GANC: variants seen among roughly 807,000 people sequenced by gnomAD.
GANC encodes the protein neutral alpha-glucosidase C.
In GANC, 117 loss-of-function variants were observed where a neutral mutation model predicts 124.2. The observed-to-expected ratio is 0.94, with a 90% CI of 0.81 to 1.10. GANC has a LOEUF of 1.10. Ranked by LOEUF, GANC falls within the 50% of genes least tolerant of loss-of-function variation. GANC has a pLI of 0.00. For missense variants in GANC, 1,140 were observed against 1,095.0 expected (o/e 1.04, Z -0.58); for synonymous variants, 377 against 376.8 (o/e 1.00, Z -0.01).
intron 10 of GANC, chr15:42,314,204 A>G (rs1310204684): frequency 1.3e-6 from 1 of 754,688 alleles, no homozygotes; most frequent in Non-Finnish European, 2.4e-6. Flanking sequence ...AATATTCCCC[A>G]CAAGGAGTTC....
At chr15:42,348,803 A>G (rs1007073698) in intron 21 of GANC, among the ~76,000 whole-genome samples, 14 of 152,226 alleles carry the variant, frequency 9.2e-5, no homozygotes, top group African/African-American at 3.4e-4. Context: ...ATTGATATCA[A>G]TATTATAAAA....
intron 5 of GANC, 115 bp downstream of exon 5, chr15:42,293,032 T>A: frequency 1.0e-6 from 1 of 977,242 alleles, no homozygotes; most frequent in Non-Finnish European, 1.5e-6. Context: ...TTATTTGCTC[T>A]AGTATTGTTC....
At chr15:42,328,506 C>CA (rs530447078) in intron 13 of GANC, among the ~76,000 whole-genome samples, 1,599 of 103,986 alleles carry the variant, frequency 0.015, 21 homozygotes, top group South Asian at 0.092. Context: ...AATAAAGATT[C>CA]AAAAAAAAAA....
At position 42,292,851 on chromosome 15, in the gene GANC, T is replaced by C; in HGVS notation, c.446T>C (p.Val149Ala). ...GTAGACTTGGTGTCTGAAGAAGAGG[T>C]TGTGATTAGCATAAATTCCCTGGGC... The part of the protein sequence containing the change: ...FKVDLVSEEE[V>A]VISINSLGQL... The change falls in exon 5 of 24, where the codon GTT becomes GCT. Residue 149 changes from valine to alanine, a missense_variant. By Grantham distance (64) the Val-to-Ala change is moderately conservative. Transcript: ENST00000318010. 5 of 1,613,960 alleles carry C rather than the reference T, an allele frequency of 3.1e-6. No homozygotes were observed. The highest frequency in any genetic ancestry group is 4.2e-6 in the Non-Finnish European group (5 of 1,179,920).
At chr15:42,351,974 C>G in intron 23 of GANC, 56 bp from the exon 24 acceptor site, 1 of 1,601,568 alleles carries the variant, frequency 6.2e-7, no homozygotes, top group Non-Finnish European at 8.5e-7. Flanking sequence ...GGAGAAAAGA[C>G]TTTTCCCTTC....
Position 42,273,380 on chromosome 15 carries a change from G to A in GANC, c.-1102G>A, listed in dbSNP as rs368638014. The A allele has an allele frequency of 3.0e-5, 49 of 1,613,936 alleles. No homozygotes were observed. The highest frequency in any genetic ancestry group is 3.8e-5 in the Non-Finnish European group (45 of 1,180,042). Reference sequence around the variant, plus strand: ...AGAAGAATGACAGGCAACACCTGAAGCCACGCAGCCGCCGCCATCTTCACA... The same window carrying A: ...AGAAGAATGACAGGCAACACCTGAAACCACGCAGCCGCCGCCATCTTCACA... On this transcript the variant is annotated 5_prime_UTR_variant, in exon 1 of 24. Coordinates refer to ENST00000318010, the MANE Select transcript of GANC (RefSeq NM_198141.3).
chr15:42,351,481 A>G, intron 23 of GANC, 49 bp downstream of exon 23: 1 of 1,282,582 alleles, frequency 7.8e-7, no homozygotes, highest in Non-Finnish European at 1.1e-6. Flanking sequence ...TATAAACAGA[A>G]GTATCTGCAG....
intron 21 of GANC, 34 bp from the exon 22 acceptor site, chr15:42,349,349 T>C: frequency 7.9e-7 from 1 of 1,267,302 alleles, no homozygotes. Context: ...AGCTATCATA[T>C]AAGCACATTC....
At position 42,274,107 on chromosome 15, in the gene GANC, C is replaced by T. The variant is rs769208017; in HGVS notation, c.-375C>T. ...AGATAGATCTGCAGATGCTTCGTCC[C>T]AGTCAGGGAGGCCGTCTCGGCATTT... On this transcript the variant is annotated 5_prime_UTR_variant, in exon 1 of 24. Coordinates refer to ENST00000318010, the MANE Select transcript of GANC (RefSeq NM_198141.3). 2.0e-5 allele frequency: 5 copies of T among 253,004 alleles called. No individual in the cohort carries two copies. Among genetic ancestry groups the T allele is most frequent in the Non-Finnish European group, 3.8e-5 (5 of 130,764 alleles). The allele number at this position is 253,004 out of a possible 1,614,324, so 15.7% of individuals were successfully genotyped here.
intron 10 of GANC, among the ~76,000 whole-genome samples, chr15:42,316,457 G>A (rs1026037508): frequency 1.7e-4 from 26 of 152,064 alleles, no homozygotes; most frequent in Admixed American, 7.2e-4. Context: ...ATGGGACGGG[G>A]GCCCTTCCCT....
rs1216952171 is a variant in GANC, at chr15:42,276,393, CAA to C, written c.76_77del (p.Lys26AspfsTer28). 7.0e-7 allele frequency: 1 copy of C among 1,432,604 alleles called. No individual in the cohort carries two copies. The highest frequency in any genetic ancestry group is 1.1e-5 in the South Asian group (1 of 87,104). 88.7% of individuals were successfully genotyped at this position (1,432,604 alleles called of 1,614,324 possible). On this transcript the variant is annotated frameshift_variant, in exon 2 of 24. Transcript: ENST00000318010. LOFTEE classifies it high-confidence loss of function. Reference protein sequence around the residue: ...VDKNIFRDCNKIAFYRRQKQW... With the variant: ...VDKNIFRDCNXIAFYRRQKQW... ...ATAAAAACATTTTCAGAGACTGTAA[CAA>C]GATCGCATTTTACAGGTAAGGAAAA...
intron 22 of GANC, among the ~76,000 whole-genome samples, chr15:42,349,802 A>G (rs2052407337): frequency 6.7e-6 from 1 of 149,550 alleles, no homozygotes; most frequent in African/African-American, 2.5e-5. Flanking sequence ...GCATGCACCA[A>G]CATACCCGGC....
chr15:42,330,770 C>CTTTTTTTTTT (rs71108160), intron 15 of GANC, 98 bp downstream of exon 15: 68 of 361,028 alleles, frequency 1.9e-4, no homozygotes, highest in Middle Eastern at 7.8e-4. Flanking sequence ...CTTCCTTTTC[C>CTTTTTTTTTT]TTTTTTTTTT....
chr15:42,316,489 GGGAA>G (rs1398343526), intron 10 of GANC, among the ~76,000 whole-genome samples: 1 of 152,180 alleles, frequency 6.6e-6, no homozygotes, highest in East Asian at 1.9e-4. Context: ...AAAGCAGAGA[GGGAA>G]GGCAGCATTT....
rs773197314 is a variant in GANC, at chr15:42,326,339, C to CGAGT, written c.1335_1336insGAGT (p.Tyr446GlufsTer24). ...ATCCCCACATCAAGATTGATCCTGA[C>CGAGT]TACTCAGTATATGTGAAGGCCAAAG... is the stretch of plus-strand genomic sequence containing the variant. On this transcript the variant is annotated frameshift_variant, in exon 12 of 24. Transcript: ENST00000318010. LOFTEE classifies it high-confidence loss of function. 6.8e-6 allele frequency: 11 copies of CGAGT among 1,614,058 alleles called. No individual in the cohort carries two copies. The highest frequency in any genetic ancestry group is 5.0e-5 in the Admixed American group (3 of 60,014).
rs2141080040 is a variant in GANC, at chr15:42,345,742, C to T, written c.2230-16C>T. ...TGCTTATGTACTCTTTTTTACTGGA[C>T]TCTGTTACTTTCTAGGTCTGGTATG... On this transcript the variant is annotated splice_polypyrimidine_tract_variant and intron_variant, in intron 19 of 23. Transcript: ENST00000318010. The T allele has an allele frequency of 1.3e-6, 2 of 1,565,358 alleles. No homozygotes were observed. Among genetic ancestry groups the T allele is most frequent in the East Asian group, 4.5e-5 (2 of 44,556 alleles).
chr15:42,337,291 A>C (rs532400007), intron 15 of GANC, among the ~76,000 whole-genome samples: 1 of 152,330 alleles, frequency 6.6e-6, no homozygotes, highest in Non-Finnish European at 1.5e-5. Context: ...ACACCATGGA[A>C]TACTATGCAG....
At chr15:42,281,221 T>A in intron 3 of GANC, 1 of 650,726 alleles carries the variant, frequency 1.5e-6, no homozygotes, top group Non-Finnish European at 2.8e-6. Context: ...GAGATCACCC[T>A]GAAATTCTGC....
intron 11 of GANC, among the ~76,000 whole-genome samples, chr15:42,325,902 G>A (rs1483743075): frequency 2.0e-5 from 3 of 152,114 alleles, no homozygotes; most frequent in African/African-American, 7.2e-5. Flanking sequence ...GACCACAGGT[G>A]GACACCACCA....
Sources: allele counts gnomAD v4.1 joint callset (sites outside exome capture counted in the v4.1 genomes callset), GRCh38; gene constraint gnomAD v4.1.1; transcripts MANE v1.5; gene names NCBI Gene and HGNC (gene_info 2026-07-23, HGNC 2026-07-21).